The following ENTREP2 variants were observed in gnomAD, a reference collection of about 807,000 sequenced individuals.
ENTREP2 encodes the protein protein ENTREP2.
chr15:29,438,957 T>C, the ENTREP2 span, among the ~76,000 whole-genome samples: 2 of 152,300 alleles, frequency 1.3e-5, no homozygotes, highest in African/African-American at 4.8e-5. Flanking sequence ...GTATTTCCCC[T>C]GAAGGCAATG....
the ENTREP2 span, among the ~76,000 whole-genome samples, chr15:29,507,927 A>G: frequency 1.4e-4 from 21 of 152,312 alleles, no homozygotes; most frequent in Non-Finnish European, 2.5e-4. Context: ...GGAGATAGAG[A>G]CATGAAAAAC....
the ENTREP2 span, among the ~76,000 whole-genome samples, chr15:29,281,985 G>A: frequency 6.6e-6 from 1 of 152,200 alleles, no homozygotes; most frequent in Admixed American, 6.5e-5. Flanking sequence ...TGTTACCTGG[G>A]ACCTGAGAAA....
the ENTREP2 span, among the ~76,000 whole-genome samples, chr15:29,416,952 C>A: frequency 3.3e-5 from 5 of 152,206 alleles, no homozygotes; most frequent in African/African-American, 1.2e-4. Context: ...GAGATACCAT[C>A]TCACACCAGT....
At chr15:29,537,128 T>A in the ENTREP2 span, among the ~76,000 whole-genome samples, 13 of 152,252 alleles carry the variant, frequency 8.5e-5, no homozygotes, top group Admixed American at 3.3e-4. Flanking sequence ...ATTAATAAAT[T>A]TTCCTTCTGC....
the ENTREP2 span, among the ~76,000 whole-genome samples, chr15:29,298,454 C>T: frequency 0.16 from 24,688 of 151,976 alleles, 3,363 homozygotes; most frequent in African/African-American, 0.38. Context: ...ATTAATAAAA[C>T]TGGCAAATCT....
chr15:29,441,295 C>T, the ENTREP2 span, among the ~76,000 whole-genome samples: 1 of 152,130 alleles, frequency 6.6e-6, no homozygotes, highest in African/African-American at 2.4e-5. Flanking sequence ...TGGTGGTTGC[C>T]AGAGCCTGGG....
chr15:29,568,570 G>A, the ENTREP2 span, among the ~76,000 whole-genome samples: 1 of 152,032 alleles, frequency 6.6e-6, no homozygotes, highest in Admixed American at 6.6e-5. Flanking sequence ...CAGGCATGGT[G>A]GTACACACCT....
At chr15:29,593,162 G>A in the ENTREP2 span, among the ~76,000 whole-genome samples, 22 of 152,166 alleles carry the variant, frequency 1.4e-4, no homozygotes, top group African/African-American at 3.4e-4. Context: ...CTTTCCTTCC[G>A]TTTGTTCCTT....
chr15:29,611,749 A>C, the ENTREP2 span, among the ~76,000 whole-genome samples: 1 of 152,092 alleles, frequency 6.6e-6, no homozygotes, highest in Non-Finnish European at 1.5e-5. Context: ...CTGACTCTTC[A>C]TAAGAGTTTG....
At chr15:29,311,248 G>A in the ENTREP2 span, among the ~76,000 whole-genome samples, 2 of 152,224 alleles carry the variant, frequency 1.3e-5, no homozygotes, top group East Asian at 3.9e-4. Context: ...ATCATTATAT[G>A]ATCGATAGAT....
chr15:29,569,189 C>T, the ENTREP2 span, among the ~76,000 whole-genome samples: 1 of 152,150 alleles, frequency 6.6e-6, no homozygotes, highest in African/African-American at 2.4e-5. Context: ...TTGAATACTC[C>T]CAGCTATGAC....
chr15:29,254,160 G>GAAAAA, the ENTREP2 span, among the ~76,000 whole-genome samples: 5 of 4,504 alleles, frequency 1.1e-3, no homozygotes, highest in Non-Finnish European at 1.9e-3. Context: ...TTGTTAAAGA[G>GAAAAA]CAAAAAAAAA....
chr15:29,358,112 G>A, the ENTREP2 span, among the ~76,000 whole-genome samples: 1 of 152,122 alleles, frequency 6.6e-6, no homozygotes, highest in Non-Finnish European at 1.5e-5. Flanking sequence ...CTATGTACCT[G>A]AGGAGACGGG....
the ENTREP2 span, among the ~76,000 whole-genome samples, chr15:29,142,116 T>C: frequency 6.6e-6 from 1 of 152,234 alleles, no homozygotes; most frequent in Non-Finnish European, 1.5e-5. Flanking sequence ...AGAAGAATCA[T>C]AAAAATCTAG....
the ENTREP2 span, among the ~76,000 whole-genome samples, chr15:29,156,552 T>C: frequency 1.3e-5 from 2 of 152,088 alleles, no homozygotes; most frequent in Admixed American, 6.6e-5. Flanking sequence ...AGCACAGAAC[T>C]ATAGATGGAG....
chr15:29,279,609 C>G, the ENTREP2 span, among the ~76,000 whole-genome samples: 1 of 152,078 alleles, frequency 6.6e-6, no homozygotes, highest in African/African-American at 2.4e-5. Flanking sequence ...GTGATCCGCC[C>G]ACCTTGGCCT....
the ENTREP2 span, among the ~76,000 whole-genome samples, chr15:29,178,928 G>C: frequency 6.6e-6 from 1 of 152,130 alleles, no homozygotes; most frequent in African/African-American, 2.4e-5. Flanking sequence ...TTCCTATCTT[G>C]TGTCTTGAGA....
chr15:29,148,245 T>C, the ENTREP2 span, among the ~76,000 whole-genome samples: 1 of 152,218 alleles, frequency 6.6e-6, no homozygotes, highest in Non-Finnish European at 1.5e-5. Flanking sequence ...TCTGTGAAGA[T>C]ATTAAAACCG....
At chr15:29,559,529 T>C in the ENTREP2 span, among the ~76,000 whole-genome samples, 16 of 152,104 alleles carry the variant, frequency 1.1e-4, no homozygotes, top group Non-Finnish European at 2.1e-4. Flanking sequence ...CAAATCAGTC[T>C]CACTGGGCTA....
Sources: allele counts gnomAD v4.1 joint callset (sites outside exome capture counted in the v4.1 genomes callset), GRCh38; gene constraint gnomAD v4.1.1; transcripts MANE v1.5; gene names NCBI Gene and HGNC (gene_info 2026-07-23, HGNC 2026-07-21).